PFKFB4: variants seen among roughly 807,000 people sequenced by gnomAD.
The protein encoded by PFKFB4 is 6-phosphofructo-2-kinase/fructose-2,6-biphosphatase 4, also known as 6-phosphofructo-2-kinase/fructose-2,6-bisphosphatase 4.
Under a neutral mutation model 62.8 loss-of-function variants are expected in PFKFB4, and 42 were observed. The ratio of observed to expected loss-of-function variants is 0.67; its 90% CI spans 0.52 to 0.86. The LOEUF (loss-of-function observed/expected upper bound fraction) is 0.86. Among genes scored for constraint, PFKFB4 ranks in the 40% least tolerant of loss-of-function variants. The pLI is 0.00. For missense variants in PFKFB4, 475 were observed against 627.2 expected (o/e 0.76, Z 2.59); for synonymous variants, 204 against 240.7 (o/e 0.85, Z 1.41).
At chr3:48,534,958 A>G (rs2042545990) in intron 9 of PFKFB4, among the ~76,000 whole-genome samples, 1 of 151,938 alleles carries the variant, frequency 6.6e-6, no homozygotes, top group Non-Finnish European at 1.5e-5. Context: ...ACAGGTACCC[A>G]CCACCATGCC....
chr3:48,539,106 G>C (rs1018767713), intron 6 of PFKFB4, 148 bp downstream of exon 6: 1 of 697,022 alleles, frequency 1.4e-6, no homozygotes, highest in East Asian at 2.7e-5. Context: ...GTGATCCACA[G>C]AGGGCGAGGC....
chr3:48,545,694 T>C (rs1416908498), intron 3 of PFKFB4, among the ~76,000 whole-genome samples: 2 of 151,964 alleles, frequency 1.3e-5, no homozygotes, highest in South Asian at 2.1e-4. Flanking sequence ...CTTTAACTCC[T>C]AGCTTCCAGT....
At chr3:48,537,514 TC>T (rs2042661006) in intron 7 of PFKFB4, among the ~76,000 whole-genome samples, 1 of 141,210 alleles carries the variant, frequency 7.1e-6, no homozygotes, top group African/African-American at 2.7e-5. Flanking sequence ...TTCATGTGCA[TC>T]CTTTTTTTTT....
At chr3:48,553,096 G>A (rs528540337) in intron 1 of PFKFB4, among the ~76,000 whole-genome samples, 1 of 152,338 alleles carries the variant, frequency 6.6e-6, no homozygotes, top group African/African-American at 2.4e-5. Flanking sequence ...AACAGAGCAC[G>A]TGGACTAAGC....
In PFKFB4 at chr3:48,521,865, G is replaced by T; in HGVS notation, c.1350+121C>A. 2.4e-6 allele frequency: 2 copies of T among 850,736 alleles called. No homozygotes were observed. Among genetic ancestry groups the T allele is most frequent in the Non-Finnish European group, 4.0e-6 (2 of 499,072 alleles). The allele number at this position is 850,736 out of a possible 1,614,324, so 52.7% of individuals were successfully genotyped here. ...GCCCTGCTGATGGGACAACAGTCTT[G>T]GCAGAAGACTCAAGCTCCCTCTGGC... On this transcript the variant is annotated intron_variant, in intron 13 of 13. Coordinates refer to ENST00000232375, the MANE Select transcript of PFKFB4 (RefSeq NM_004567.4). This position sits in a 1 kb window ranked among gnomAD's most constrained non-coding sequence, Gnocchi z 5.3.
At chr3:48,552,744 CTG>C (rs1202261623) in intron 1 of PFKFB4, among the ~76,000 whole-genome samples, 1 of 152,334 alleles carries the variant, frequency 6.6e-6, no homozygotes, top group East Asian at 1.9e-4. Flanking sequence ...AACCTCAGGA[CTG>C]GGGATCTGCA....
rs568276315 is a variant in PFKFB4, at chr3:48,553,208, A to G, written c.98-2974T>C. On this transcript the variant is annotated intron_variant, in intron 1 of 13. Transcript: ENST00000232375. ...ACTGTTTATAGCTGGGCGTGATGGC[A>G]CATGCCTGTAATCCCAGCACTTTGG... Among the ~76,000 whole-genome samples, 17 of 152,312 alleles carry G rather than the reference A, an allele frequency of 1.1e-4. No homozygotes were observed. In the South Asian group the frequency reaches 2.7e-3, roughly 24 times the overall value.
Position 48,523,825 on chromosome 3 carries a change from G to A in PFKFB4, c.1098C>T (p.Tyr366=), listed in dbSNP as rs768568971. Reference sequence around the variant, plus strand: ...GCTCCAGTCTCTGGACCAGGTCCTCGTAGGACTGCAAGGGCAAGCAGAGAG... The same window carrying A: ...GCTCCAGTCTCTGGACCAGGTCCTCATAGGACTGCAAGGGCAAGCAGAGAG... The part of the protein sequence containing the change: ...YRYRYPKGES[Y]EDLVQRLEPV... Residue 366 remains tyrosine (Y), a synonymous_variant, in exon 11 of 14, where the codon TAC becomes TAT. Coordinates refer to ENST00000232375, the MANE Select transcript of PFKFB4 (RefSeq NM_004567.4). 7.4e-6 allele frequency: 12 copies of A among 1,613,688 alleles called. No homozygotes were observed. The highest frequency in any genetic ancestry group is 2.2e-5 in the South Asian group (2 of 91,048).
chr3:48,550,439 C>T (rs1185464366), intron 1 of PFKFB4, among the ~76,000 whole-genome samples: 1 of 152,166 alleles, frequency 6.6e-6, no homozygotes, highest in African/African-American at 2.4e-5. Context: ...TCCCCAGGCC[C>T]GCCTGGGCTC....
intron 9 of PFKFB4, among the ~76,000 whole-genome samples, chr3:48,527,684 C>CT (rs1180697646): frequency 0.04 from 4,816 of 121,134 alleles, 199 homozygotes; most frequent in African/African-American, 0.093. Context: ...CGTCCATCAT[C>CT]TTTTTTTTTT....
At chr3:48,546,421 C>T (rs561829753) in intron 3 of PFKFB4, among the ~76,000 whole-genome samples, 14 of 152,204 alleles carry the variant, frequency 9.2e-5, no homozygotes, top group African/African-American at 3.4e-4. Flanking sequence ...AGAACATATG[C>T]GATCATGCTT....
At chr3:48,559,033 C>T (rs2043392454), upstream of PFKFB4, among the ~76,000 whole-genome samples, 1 of 152,352 alleles carries the variant, frequency 6.6e-6, no homozygotes, top group South Asian at 2.1e-4. Context: ...CTGGCCTGTC[C>T]ATTCTCTTCC....
At chr3:48,526,614 G>A (rs939299381) in intron 9 of PFKFB4, among the ~76,000 whole-genome samples, 3 of 150,928 alleles carry the variant, frequency 2.0e-5, no homozygotes, top group African/African-American at 4.9e-5. Flanking sequence ...GGATTAGAGT[G>A]GGTCCTAAAT....
At position 48,556,146 on chromosome 3, in the gene PFKFB4, A is replaced by G. The variant is rs571297937; in HGVS notation, c.97+535T>C. On this transcript the variant is annotated intron_variant, in intron 1 of 13. Coordinates refer to ENST00000232375, the MANE Select transcript of PFKFB4 (RefSeq NM_004567.4). The surrounding 1 kb of genome is among the most constrained non-coding windows in gnomAD (Gnocchi z 5.7). ...ACTTTTCTGTCTCTATCCTGAGCAC[A>G]TCTCTGCTGAAGTTCCTGCCCAAGC... is the stretch of plus-strand genomic sequence containing the variant. The G allele has an allele frequency of 2.2e-6, 1 of 457,146 alleles. No homozygotes were observed. The highest frequency in any genetic ancestry group is 2.0e-5 in the African/African-American group (1 of 50,216). The allele number at this position is 457,146 out of a possible 1,614,324, so 28.3% of individuals were successfully genotyped here.
chr3:48,540,444 G>C (rs1463795837), intron 4 of PFKFB4, among the ~76,000 whole-genome samples: 1 of 152,152 alleles, frequency 6.6e-6, no homozygotes, highest in African/African-American at 2.4e-5. Context: ...AGAAGAGCTG[G>C]AGGCCCAGGC....
chr3:48,549,875 C>T lies in PFKFB4; in HGVS notation c.300G>A (p.Leu100=). Reference sequence around the variant, plus strand: ...ACACATATACTTACTTCCTGATTTTCAGGCCCTCTTCATTGTCGGGGAGAA... The same window carrying T: ...ACACATATACTTACTTCCTGATTTTTAGGCCCTCTTCATTGTCGGGGAGAA... ...EFFLPDNEEG[L]KIRKQCALAA... is the part of the protein sequence containing the mutation. The change falls in exon 3 of 14, where the codon CTG becomes CTA. Residue 100 remains leucine (L), a synonymous_variant. Coordinates refer to ENST00000232375, the MANE Select transcript of PFKFB4 (RefSeq NM_004567.4). The T allele has an allele frequency of 6.2e-7, 1 of 1,607,430 alleles. No homozygotes were observed. Among genetic ancestry groups the T allele is most frequent in the Non-Finnish European group, 8.5e-7 (1 of 1,173,854 alleles).
At chr3:48,560,234 G>A (rs2043411319), upstream of PFKFB4, among the ~76,000 whole-genome samples, 1 of 152,184 alleles carries the variant, frequency 6.6e-6, no homozygotes, top group Non-Finnish European at 1.5e-5. Context: ...ACCCCAGCAT[G>A]TGCAGAGACA....
intron 12 of PFKFB4, among the ~76,000 whole-genome samples, chr3:48,523,308 C>T (rs1264530299): frequency 1.3e-5 from 2 of 152,076 alleles, no homozygotes; most frequent in South Asian, 2.1e-4. Flanking sequence ...CATCTGAACC[C>T]GGGAGGTGGA....
At chr3:48,540,559 G>C (rs1375734093) in intron 4 of PFKFB4, among the ~76,000 whole-genome samples, 3 of 152,134 alleles carry the variant, frequency 2.0e-5, no homozygotes, top group Non-Finnish European at 4.4e-5. Context: ...GAGTAGCTGG[G>C]ACTACAAGTG....
Sources: gnomAD v4.1 joint callset for allele counts (sites outside exome capture counted in the v4.1 genomes callset) on GRCh38, gnomAD v4.1.1 for gene constraint, Gnocchi (gnomAD v3.1) non-coding constraint, MANE v1.5 for transcripts, NCBI Gene and HGNC (gene_info 2026-07-23, HGNC 2026-07-21) for gene names.